CUX2: variants seen among roughly 807,000 people sequenced by gnomAD.
CUX2 encodes the protein cut like homeobox 2.
CUX2 carries 40 observed loss-of-function variants against 144.8 expected under a neutral mutation model. The ratio of observed to expected loss-of-function variants is 0.28; its 90% CI spans 0.21 to 0.36. The LOEUF is 0.36. Ranked by LOEUF, CUX2 falls within the 10% of genes least tolerant of loss-of-function variation. The pLI is 1.00. For synonymous variants in CUX2, 827 were observed against 875.6 expected (o/e 0.94, Z 0.98); for missense variants, 1,615 against 1,994.0 (o/e 0.81, Z 3.62).
In CUX2 at chr12:111,089,582, C is replaced by T. The variant is rs370479739; in HGVS notation, c.63+55342C>T. Among the ~76,000 whole-genome samples, 3 of 152,262 alleles carry T rather than the reference C, an allele frequency of 2.0e-5. No individual in the cohort carries two copies. The South Asian group carries it at 6.2e-4, about 32-fold the overall frequency. On this transcript the variant is annotated intron_variant, in intron 1 of 21. Coordinates refer to ENST00000261726, the MANE Select transcript of CUX2 (RefSeq NM_015267.4). ...TAGGCTGTTGGTTTTCTGAGCAGGG[C>T]AGTATGTGTTGCAACAGCGGCCATC...
rs1472012373 is a variant in CUX2, at chr12:111,068,084, T to G, written c.63+33844T>G. Among the ~76,000 whole-genome samples, 1 of 152,040 alleles carries G rather than the reference T, an allele frequency of 6.6e-6. No homozygotes were observed. ...TTTTGCCCACTTTTAAAAAGTGGCCTGCAGAGCCTGGCGAAGTCCCTCCCG... is the reference window on the plus strand; with the variant it reads ...TTTTGCCCACTTTTAAAAAGTGGCCGGCAGAGCCTGGCGAAGTCCCTCCCG... On this transcript the variant is annotated intron_variant, in intron 1 of 21. Transcript: ENST00000261726. This position sits in a 1 kb window ranked among gnomAD's most constrained non-coding sequence, Gnocchi z 4.9.
At chr12:111,319,876 T>C in intron 16 of CUX2, 136 bp from the exon 17 acceptor site, 4 of 1,299,758 alleles carry the variant, frequency 3.1e-6, no homozygotes, top group Non-Finnish European at 4.0e-6. Context: ...CATAATTTAG[T>C]TAGCCAATCC....
intron 1 of CUX2, among the ~76,000 whole-genome samples, chr12:111,139,426 G>T (rs994176030): frequency 7.2e-5 from 11 of 152,170 alleles, no homozygotes; most frequent in Non-Finnish European, 1.5e-4. Flanking sequence ...GATGGCATTT[G>T]TGGCAAAGGT....
intron 1 of CUX2, among the ~76,000 whole-genome samples, chr12:111,181,201 G>A (rs1879152718): frequency 6.6e-6 from 1 of 152,248 alleles, no homozygotes; most frequent in Non-Finnish European, 1.5e-5. Context: ...GAACACAGGA[G>A]TTTCATTGCA....
intron 3 of CUX2, among the ~76,000 whole-genome samples, chr12:111,234,192 C>T (rs1394293708): frequency 2.0e-5 from 3 of 152,170 alleles, no homozygotes; most frequent in Non-Finnish European, 4.4e-5. Flanking sequence ...GATAGAGCAC[C>T]TCACTCACTG....
In CUX2 at chr12:111,190,959, G is replaced by A. The variant is rs565606090; in HGVS notation, c.64-23241G>A. On this transcript the variant is annotated intron_variant, in intron 1 of 21. Coordinates refer to ENST00000261726, the MANE Select transcript of CUX2 (RefSeq NM_015267.4). The surrounding 1 kb of genome is among the most constrained non-coding windows in gnomAD (Gnocchi z 4.0). ...GCAGCTGAGCACAGCCGACCTGCTCGCAGATCCAGCACGCCAGGAGGGTCC... is the reference window on the plus strand; with the variant it reads ...GCAGCTGAGCACAGCCGACCTGCTCACAGATCCAGCACGCCAGGAGGGTCC... Among the ~76,000 whole-genome samples the A allele has an allele frequency of 2.6e-5, 4 of 152,264 alleles. No individual in the cohort carries two copies. The highest frequency in any genetic ancestry group is 2.0e-4 in the Admixed American group (3 of 15,294).
chr12:111,138,599 C>A (rs745617747), intron 1 of CUX2, among the ~76,000 whole-genome samples: 15 of 152,078 alleles, frequency 9.9e-5, no homozygotes, highest in Non-Finnish European at 1.8e-4. Context: ...TAAGAATCCC[C>A]CATCCCTACC....
In CUX2 at chr12:111,039,501, G is replaced by T. The variant is rs1047370685; in HGVS notation, c.63+5261G>T. On this transcript the variant is annotated intron_variant, in intron 1 of 21. Transcript: ENST00000261726. This position sits in a 1 kb window ranked among gnomAD's most constrained non-coding sequence, Gnocchi z 4.2. ...CTTTGCTGTACGAGTTATTGTAAAG[G>T]TGAAGGATGCTGACACCTTTGTGGG... is the stretch of plus-strand genomic sequence containing the variant. Among the ~76,000 whole-genome samples, 1 of 152,132 alleles carries T rather than the reference G, an allele frequency of 6.6e-6. No individual in the cohort carries two copies. Among genetic ancestry groups the T allele is most frequent in the Non-Finnish European group, 1.5e-5 (1 of 68,018 alleles).
Position 111,171,769 on chromosome 12 carries a change from C to T in CUX2, c.64-42431C>T, listed in dbSNP as rs886441664. On this transcript the variant is annotated intron_variant, in intron 1 of 21. Coordinates refer to ENST00000261726, the MANE Select transcript of CUX2 (RefSeq NM_015267.4). This position sits in a 1 kb window ranked among gnomAD's most constrained non-coding sequence, Gnocchi z 5.0. Reference sequence around the variant, plus strand: ...GTGAAAGAATGGCAGGGTCCCTTTTCGCCTCCCGGGGAAGGAGCCGGAGAG... The same window carrying T: ...GTGAAAGAATGGCAGGGTCCCTTTTTGCCTCCCGGGGAAGGAGCCGGAGAG... 5.9e-5 allele frequency among the ~76,000 whole-genome samples: 9 copies of T among 152,218 alleles called. No individual in the cohort carries two copies. The highest frequency in any genetic ancestry group is 1.9e-4 in the African/African-American group (8 of 41,458).
Position 111,322,292 on chromosome 12 carries a change from TG to T in CUX2, c.2767-126del. ...GAGATGGTGCCACTGCACTCCATCCTGGGCGACAGACAAAGCGAGACTCTGC... is the reference window on the plus strand; with the variant it reads ...GAGATGGTGCCACTGCACTCCATCCTGGCGACAGACAAAGCGAGACTCTGC... On this transcript the variant is annotated intron_variant, in intron 17 of 21. Coordinates refer to ENST00000261726, the MANE Select transcript of CUX2 (RefSeq NM_015267.4). The surrounding 1 kb of genome is among the most constrained non-coding windows in gnomAD (Gnocchi z 4.2). 9.6e-7 allele frequency: 1 copy of T among 1,043,636 alleles called. No individual in the cohort carries two copies. The highest frequency in any genetic ancestry group is 1.3e-6 in the Non-Finnish European group (1 of 761,020). 64.6% of individuals were successfully genotyped at this position (1,043,636 alleles called of 1,614,324 possible).
intron 1 of CUX2, among the ~76,000 whole-genome samples, chr12:111,143,290 G>A (rs1876452846): frequency 6.6e-6 from 1 of 152,206 alleles, no homozygotes; most frequent in African/African-American, 2.4e-5. Flanking sequence ...TGCCTTGGGT[G>A]TTTCCAGCTC....
intron 3 of CUX2, among the ~76,000 whole-genome samples, chr12:111,224,177 C>G (rs996724228): frequency 6.6e-6 from 1 of 152,124 alleles, no homozygotes; most frequent in African/African-American, 2.4e-5. Context: ...ACCATTCCCC[C>G]GTCCTCCCTG....
chr12:111,147,431 G>A (rs955590279), intron 1 of CUX2, among the ~76,000 whole-genome samples: 8 of 152,136 alleles, frequency 5.3e-5, no homozygotes, highest in South Asian at 2.1e-4. Context: ...CCCACTGCCC[G>A]CCAGGCTCCC....
At chr12:111,162,587 G>T (rs1003914574) in intron 1 of CUX2, among the ~76,000 whole-genome samples, 1 of 152,238 alleles carries the variant, frequency 6.6e-6, no homozygotes, top group Non-Finnish European at 1.5e-5. Context: ...GTGCTGAACA[G>T]CTCACAAGCA....
intron 1 of CUX2, among the ~76,000 whole-genome samples, chr12:111,042,125 C>T (rs546560774): frequency 3.7e-4 from 56 of 152,372 alleles, no homozygotes; most frequent in African/African-American, 1.2e-3. Context: ...CTGAGCTGGT[C>T]GTCTGCCCAG....
chr12:111,282,910 G>A (rs1406494485), intron 4 of CUX2, among the ~76,000 whole-genome samples: 1 of 151,944 alleles, frequency 6.6e-6, no homozygotes, highest in African/African-American at 2.4e-5. Flanking sequence ...GGATGCTTCT[G>A]ACAATCTAGA....
intron 1 of CUX2, among the ~76,000 whole-genome samples, chr12:111,191,694 A>T (rs1392655912): frequency 6.6e-6 from 1 of 151,954 alleles, no homozygotes; most frequent in East Asian, 1.9e-4. Context: ...CTCCCATCTC[A>T]TACCTGCTGA....
intron 3 of CUX2, among the ~76,000 whole-genome samples, chr12:111,219,931 G>T (rs1044848781): frequency 6.6e-6 from 1 of 152,158 alleles, no homozygotes; most frequent in African/African-American, 2.4e-5. Flanking sequence ...ATCACTTCAG[G>T]TCAGGAGTTC....
intron 21 of CUX2, among the ~76,000 whole-genome samples, chr12:111,344,593 G>A (rs1426214934): frequency 2.0e-5 from 3 of 152,200 alleles, no homozygotes; most frequent in Admixed American, 1.3e-4. Flanking sequence ...CCTCCCCATC[G>A]AAGCTCTTCC....
Sources: gnomAD v4.1 joint callset for allele counts (sites outside exome capture counted in the v4.1 genomes callset) on GRCh38, gnomAD v4.1.1 for gene constraint, Gnocchi (gnomAD v3.1) non-coding constraint, MANE v1.5 for transcripts, NCBI Gene and HGNC (gene_info 2026-07-23, HGNC 2026-07-21) for gene names.